The following ZNF41 variants were observed in gnomAD, a reference collection of about 807,000 sequenced individuals.
The protein encoded by ZNF41 is zinc finger protein 41.
ZNF41 carries 6 observed loss-of-function variants against 9.3 expected under a neutral mutation model. The observed-to-expected ratio is 0.65, with a 90% confidence interval of 0.35 to 1.28. The LOEUF (loss-of-function observed/expected upper bound fraction) is 1.28, where lower values mean the gene tolerates loss of function less well. Ranked by LOEUF, ZNF41 falls within the 50% of genes most tolerant of loss-of-function variation. ZNF41 has a pLI of 0.03. For synonymous variants in ZNF41, 192 were observed against 207.1 expected, an observed-to-expected ratio of 0.93 and a Z score of 0.63; for missense variants, 523 against 585.8, an observed-to-expected ratio of 0.89 and a Z score of 1.11.
Position 47,447,870 on chromosome X carries a change from G to C in ZNF41, c.1900C>G (p.Pro634Ala), listed in dbSNP as rs2056178513. ...TTCCCACAGTCGCTGCATTCATAAG[G>C]CTTCTCTCCAGTATGGATTCTATGA... ...AHHRIHTGEK[P>A]YECSDCGKCF... is the part of the protein sequence containing the mutation. Residue 634 changes from proline to alanine, a missense_variant, in exon 5 of 5, where the codon CCT (proline) becomes GCT (alanine). Physicochemically the swap from Pro to Ala is conservative, Grantham distance 27 (BLOSUM62 -1). Coordinates refer to ENST00000684689, the MANE Select transcript of ZNF41 (RefSeq NM_001324144.2). 2 of 1,211,600 alleles carry C rather than the reference G, an allele frequency of 1.7e-6. No individual in the cohort carries two copies. Among genetic ancestry groups the C allele is most frequent in the Non-Finnish European group, 2.2e-6 (2 of 895,482 alleles).
intron 1 of ZNF41, among the ~76,000 whole-genome samples, chrX:47,480,341 C>T (rs1447998759): frequency 1.8e-5 from 2 of 111,329 alleles, no homozygotes; most frequent in African/African-American, 6.5e-5. Context: ...CATTTAACGA[C>T]TGGTGCTGGA....
At chrX:47,469,713 A>G (rs2057122244) in intron 1 of ZNF41, among the ~76,000 whole-genome samples, 1 of 111,374 alleles carries the variant, frequency 9.0e-6, no homozygotes, top group African/African-American at 3.3e-5. Flanking sequence ...CACTAAAAAT[A>G]TAAAAAATTA....
At chrX:47,456,194 G>A (rs1441980520) in intron 3 of ZNF41, 78 bp downstream of exon 3, 1 of 1,158,220 alleles carries the variant, frequency 8.6e-7, no homozygotes, top group Non-Finnish European at 1.2e-6. Context: ...CCATCACATA[G>A]GTTAGGTGTC....
chrX:47,455,808 G>A, intron 4 of ZNF41, 113 bp downstream of exon 4: 1 of 735,042 alleles, frequency 1.4e-6, no homozygotes, highest in Non-Finnish European at 2.1e-6. Flanking sequence ...GACTCCAAAA[G>A]TTTAGAACTT....
Position 47,477,153 on chromosome X carries a change from C to CT in ZNF41, c.-280+5941dup, listed in dbSNP as rs772030821. On this transcript the variant is annotated intron_variant, in intron 1 of 4. Transcript: ENST00000684689. Reference sequence around the variant, plus strand: ...ACAGGCGTGAGCCACAGCACCCGGCCTTTTTTTGGAGACTGAGTCTCGCTC... The same window carrying CT: ...ACAGGCGTGAGCCACAGCACCCGGCCTTTTTTTTGGAGACTGAGTCTCGCTC... 7.3e-3 allele frequency: 755 copies of CT among 102,973 alleles called. 7 individuals carry two copies. In the Middle Eastern group the frequency reaches 0.079, roughly 11 times the overall value. The allele number at this position is 102,973 out of a possible 1,213,427, so 8.5% of individuals were successfully genotyped here.
intron 1 of ZNF41, among the ~76,000 whole-genome samples, chrX:47,475,453 T>C (rs1218706895): frequency 1.8e-5 from 2 of 111,977 alleles, no homozygotes; most frequent in Admixed American, 1.9e-4. Flanking sequence ...AGAATGTCTA[T>C]GCTATTTTAA....
rs1227135019 is a variant in ZNF41 at position 47,455,976 on chromosome X, C to T, written c.240G>A (p.Glu80=). Residue 80 remains glutamate, a synonymous_variant, in exon 4 of 5, where the codon GAG becomes GAA. Transcript: ENST00000684689. ...CCAGCATCCATGGCCCCTCTCCTTG[C>T]TCCAACTTGAAGGCAGCCTCTGACT... ...IPKSEAAFKL[E]QGEGPWMLEG... is the part of the protein sequence containing the mutation. 2.5e-5 allele frequency: 30 copies of T among 1,211,878 alleles called. No homozygotes were observed. Among genetic ancestry groups the T allele is most frequent in the Non-Finnish European group, 3.2e-5 (29 of 895,529 alleles).
intron 4 of ZNF41, among the ~76,000 whole-genome samples, chrX:47,454,854 G>T (rs2056493935): frequency 8.9e-6 from 1 of 111,811 alleles, no homozygotes; most frequent in Non-Finnish European, 1.9e-5. Context: ...CAATACTTCA[G>T]GCTTTAAGAG....
intron 4 of ZNF41, among the ~76,000 whole-genome samples, chrX:47,451,696 C>A (rs191419701): frequency 0.025 from 2,813 of 112,256 alleles, 75 homozygotes; most frequent in African/African-American, 0.086. Flanking sequence ...GCCAACATGG[C>A]AAAACCCTGT....
At chrX:47,482,566 C>G (rs1326825908) in intron 1 of ZNF41, 1 of 109,299 alleles carries the variant, frequency 9.1e-6, no homozygotes, top group African/African-American at 3.3e-5. Context: ...CCCACAATTA[C>G]ACCTGGTGGG....
chrX:47,461,888 A>C (rs2056809244), intron 2 of ZNF41, among the ~76,000 whole-genome samples: 1 of 80,175 alleles, frequency 1.2e-5, no homozygotes, highest in African/African-American at 4.8e-5. Context: ...TTTAAATTTT[A>C]TTTTTACTTT....
At chrX:47,450,811 G>A (rs1311164164) in intron 4 of ZNF41, among the ~76,000 whole-genome samples, 1 of 111,485 alleles carries the variant, frequency 9.0e-6, no homozygotes, top group Admixed American at 9.6e-5. Flanking sequence ...TCATTAACCA[G>A]GCAGGTGACA....
At chrX:47,459,742 T>TAAA (rs768291943) in intron 2 of ZNF41, among the ~76,000 whole-genome samples, 4 of 16,150 alleles carry the variant, frequency 2.5e-4, no homozygotes, top group African/African-American at 7.6e-4. Flanking sequence ...AGACCCTATC[T>TAAA]AAAAAAAAAA....
At chrX:47,467,954 T>C (rs1391275810) in intron 1 of ZNF41, among the ~76,000 whole-genome samples, 194 bp from the exon 2 acceptor site, 1 of 111,950 alleles carries the variant, frequency 8.9e-6, no homozygotes, top group East Asian at 2.8e-4. Context: ...TCTCATAGGG[T>C]TGTTAGAATT....
rs2056085048 is a variant in ZNF41 at position 47,445,449 on chromosome X, G to A, written c.*1981C>T. On this transcript the variant is annotated 3_prime_UTR_variant, in exon 5 of 5. Coordinates refer to ENST00000684689, the MANE Select transcript of ZNF41 (RefSeq NM_001324144.2). ...GTTTGGAGGACAAGAAAATAAAACC[G>A]AAAACTAAAACTGACATATCACTAT... is the stretch of plus-strand genomic sequence containing the variant. Among the ~76,000 whole-genome samples the A allele has an allele frequency of 9.0e-6, 1 of 111,451 alleles. No homozygotes were observed. The highest frequency in any genetic ancestry group is 3.8e-4 in the South Asian group (1 of 2,645).
intron 4 of ZNF41, among the ~76,000 whole-genome samples, chrX:47,452,558 T>G (rs10127371): frequency 0.014 from 1,512 of 111,704 alleles, 10 homozygotes; most frequent in Middle Eastern, 0.06. Context: ...CCTTGGATGC[T>G]TGCTCACAAC....
At chrX:47,461,136 C>T (rs374544235) in intron 2 of ZNF41, among the ~76,000 whole-genome samples, 6 of 103,256 alleles carry the variant, frequency 5.8e-5, no homozygotes, top group African/African-American at 1.4e-4. Context: ...TTAACTCTGT[C>T]GCCCAGGCTG....
At position 47,445,212 on chromosome X, in the gene ZNF41, T is replaced by C. The variant is rs1281121363; in HGVS notation, c.*2218A>G. Reference sequence around the variant, plus strand: ...AAAGATGATCAATATTATTAATCATTAGGGCAGTGTAAATTAATATCACAA... The same window carrying C: ...AAAGATGATCAATATTATTAATCATCAGGGCAGTGTAAATTAATATCACAA... On this transcript the variant is annotated 3_prime_UTR_variant, in exon 5 of 5. Coordinates refer to ENST00000684689, the MANE Select transcript of ZNF41 (RefSeq NM_001324144.2). Among the ~76,000 whole-genome samples the C allele has an allele frequency of 8.9e-6, 1 of 112,149 alleles. No homozygotes were observed. Among genetic ancestry groups the C allele is most frequent in the African/African-American group, 3.2e-5 (1 of 30,850 alleles).
intron 2 of ZNF41, among the ~76,000 whole-genome samples, chrX:47,464,837 T>C (rs1275300048): frequency 1.8e-5 from 2 of 112,282 alleles, no homozygotes; most frequent in Non-Finnish European, 1.9e-5. Flanking sequence ...AATGACCCTA[T>C]ACCTTTGACT....
Sources: allele counts gnomAD v4.1 joint callset (sites outside exome capture counted in the v4.1 genomes callset), GRCh38; gene constraint gnomAD v4.1.1; transcripts MANE v1.5; gene names NCBI Gene and HGNC (gene_info 2026-07-23, HGNC 2026-07-21).